Variants in RBL2 observed in about 807,000 individuals in gnomAD.
RBL2 encodes the protein retinoblastoma-like protein 2.
In RBL2, 56 loss-of-function variants were observed where a neutral mutation model predicts 126.0. That is an observed-to-expected ratio of 0.44 (90% CI 0.36 to 0.56). The LOEUF is 0.56. RBL2 is among the 20% of genes least tolerant of loss of function. The probability of loss-of-function intolerance (pLI) is 0.00; values close to 1 mark genes in which losing one functional copy is unlikely to be tolerated. For missense variants in RBL2, 1,229 were observed against 1,398.2 expected (o/e 0.88, Z 1.93); for synonymous variants, 454 against 478.5 (o/e 0.95, Z 0.67).
In RBL2 at chr16:53,491,019, T is replaced by C. The variant is rs1961410695; in HGVS notation, c.*719T>C. 6.5e-6 allele frequency: 1 copy of C among 152,676 alleles called. No individual in the cohort carries two copies. Among genetic ancestry groups the C allele is most frequent in the African/African-American group, 2.4e-5 (1 of 41,462 alleles). The allele number at this position is 152,676 out of a possible 1,614,324, so 9.5% of individuals were successfully genotyped here. On this transcript the variant is annotated 3_prime_UTR_variant, in exon 22 of 22. Transcript: ENST00000262133. ...AGCACTTTCTACAATGTGAACTTTA[T>C]TAAATACAAAACTTCCAGGCTAAAC...
At chr16:53,451,322 A>AT (rs1223050303) in intron 4 of RBL2, among the ~76,000 whole-genome samples, 2 of 152,210 alleles carry the variant, frequency 1.3e-5, no homozygotes, top group Non-Finnish European at 2.9e-5. Context: ...CCTGGGCAAC[A>AT]TAGCAAGACT....
chr16:53,471,765 A>C (rs1960533814), intron 17 of RBL2, among the ~76,000 whole-genome samples: 1 of 152,166 alleles, frequency 6.6e-6, no homozygotes, highest in Non-Finnish European at 1.5e-5. Context: ...CACTGGGCCC[A>C]GCCAAATTAA....
At chr16:53,474,889 T>A (rs1224006591) in intron 17 of RBL2, among the ~76,000 whole-genome samples, 1 of 152,180 alleles carries the variant, frequency 6.6e-6, no homozygotes, top group Non-Finnish European at 1.5e-5. Context: ...GCCTTTTTTT[T>A]TAATTTACAG....
At chr16:53,442,879 A>G (rs768206968) in intron 3 of RBL2, 21 bp downstream of exon 3, 32 of 1,585,468 alleles carry the variant, frequency 2.0e-5, no homozygotes, top group Non-Finnish European at 2.4e-5. Context: ...TTGTTGGTTC[A>G]TCAGGAATAC....
chr16:53,441,149 C>A (rs2058011993), intron 2 of RBL2, among the ~76,000 whole-genome samples: 1 of 151,424 alleles, frequency 6.6e-6, no homozygotes. Context: ...TTGTGGAGAC[C>A]AGGTTTCACC....
At chr16:53,463,306 C>T (rs1370945131) in intron 11 of RBL2, among the ~76,000 whole-genome samples, 1 of 152,000 alleles carries the variant, frequency 6.6e-6, no homozygotes, top group Admixed American at 6.6e-5. Flanking sequence ...TAGCCAGTCA[C>T]CTGCCTGCCT....
At chr16:53,459,660 C>T (rs2058201029) in intron 9 of RBL2, 43 bp downstream of exon 9, 2 of 1,478,888 alleles carry the variant, frequency 1.4e-6, no homozygotes, top group Non-Finnish European at 9.0e-7. Flanking sequence ...TGGTTATTGA[C>T]CATTTTCCAA....
intron 21 of RBL2, 62 bp downstream of exon 21, chr16:53,481,897 G>T: frequency 6.6e-7 from 1 of 1,514,724 alleles, no homozygotes; most frequent in Non-Finnish European, 9.2e-7. Flanking sequence ...CTAGAAACAG[G>T]GTTTGTGCTA....
intron 4 of RBL2, 109 bp from the exon 5 acceptor site, chr16:53,451,594 A>G: frequency 8.1e-7 from 1 of 1,237,112 alleles, no homozygotes; most frequent in Admixed American, 2.2e-5. Context: ...GTAATGAGTC[A>G]ATTTTGTACA....
At chr16:53,446,743 G>A (rs569537167) in intron 3 of RBL2, among the ~76,000 whole-genome samples, 4 of 152,262 alleles carry the variant, frequency 2.6e-5, no homozygotes, top group Non-Finnish European at 5.9e-5. Flanking sequence ...GCATTGCTGT[G>A]TCATCAAAAG....
intron 9 of RBL2, 55 bp from the exon 10 acceptor site, chr16:53,461,686 C>A: frequency 1.6e-6 from 2 of 1,218,164 alleles, no homozygotes; most frequent in Non-Finnish European, 2.3e-6. Flanking sequence ...ACATTTTATC[C>A]CCTTGTGACT....
chr16:53,444,941 T>C (rs1481848414), intron 3 of RBL2, among the ~76,000 whole-genome samples: 1 of 152,246 alleles, frequency 6.6e-6, no homozygotes, highest in African/African-American at 2.4e-5. Flanking sequence ...TATGGGAAGA[T>C]ATCTTCTTTC....
In RBL2 at chr16:53,439,108, T is replaced by C. The variant is rs2057988351; in HGVS notation, c.333T>C (p.Tyr111=). The C allele has an allele frequency of 5.6e-6, 9 of 1,608,090 alleles. No individual in the cohort carries two copies. Among genetic ancestry groups the C allele is most frequent in the Non-Finnish European group, 6.8e-6 (8 of 1,177,368 alleles). Residue 111 remains tyrosine (Y), a synonymous_variant, in exon 2 of 22, where the codon TAT becomes TAC. Coordinates refer to ENST00000262133, the MANE Select transcript of RBL2 (RefSeq NM_005611.4). Reference sequence around the variant, plus strand: ...GCAAAGGGACAGTGGAAGGAAACTATGTATCTTTAACTAGAATCCTGAAAT... The same window carrying C: ...GCAAAGGGACAGTGGAAGGAAACTACGTATCTTTAACTAGAATCCTGAAAT... The part of the protein sequence containing the change: ...TVSKGTVEGN[Y]VSLTRILKCS...
intron 13 of RBL2, among the ~76,000 whole-genome samples, chr16:53,466,399 A>G (rs1024891030): frequency 2.0e-5 from 3 of 151,962 alleles, no homozygotes; most frequent in African/African-American, 7.3e-5. Context: ...TTTATTGCAC[A>G]CTTTATTTCT....
chr16:53,436,317 A>T (rs550398011), intron 1 of RBL2, among the ~76,000 whole-genome samples: 3 of 152,342 alleles, frequency 2.0e-5, no homozygotes, highest in Non-Finnish European at 4.4e-5. Context: ...AGTTGTATGA[A>T]GTCTAGTGAT....
chr16:53,479,606 C>T (rs930128289), intron 18 of RBL2: 4 of 449,768 alleles, frequency 8.9e-6, no homozygotes, highest in Non-Finnish European at 1.6e-5. Context: ...AGAGGCAAAT[C>T]GGCCAGATCT....
chr16:53,490,057 T>G, intron 21 of RBL2, 73 bp from the exon 22 acceptor site: 41 of 1,197,162 alleles, frequency 3.4e-5, no homozygotes, highest in Non-Finnish European at 3.9e-5. Flanking sequence ...TTAACTCATT[T>G]GAGATTCTTT....
At chr16:53,477,349 CTTTTT>C (rs1299014787) in intron 17 of RBL2, among the ~76,000 whole-genome samples, 1 of 151,770 alleles carries the variant, frequency 6.6e-6, no homozygotes, top group Non-Finnish European at 1.5e-5. Flanking sequence ...TTCTTTCTTT[CTTTTT>C]TAAGACTGAG....
chr16:53,447,904 C>A (rs916703369), intron 4 of RBL2, among the ~76,000 whole-genome samples: 200 of 152,280 alleles, frequency 1.3e-3, no homozygotes, highest in African/African-American at 4.7e-3. Flanking sequence ...CCTGGCCTCC[C>A]ACAGTGCTGG....
Sources: allele counts gnomAD v4.1 joint callset (sites outside exome capture counted in the v4.1 genomes callset), GRCh38; gene constraint gnomAD v4.1.1; transcripts MANE v1.5; gene names NCBI Gene and HGNC (gene_info 2026-07-23, HGNC 2026-07-21).